The following SFMBT2 variants were observed in gnomAD, a reference collection of about 807,000 sequenced individuals.
SFMBT2 encodes Scm like with four mbt domains 2.
Under a neutral mutation model 110.1 loss-of-function variants are expected in SFMBT2, and 38 were observed. The ratio of observed to expected loss-of-function variants is 0.35; its 90% CI spans 0.27 to 0.45. SFMBT2 has a LOEUF of 0.45. SFMBT2 is among the 20% of genes least tolerant of loss of function. SFMBT2 has a pLI of 1.00. For synonymous variants in SFMBT2, 425 were observed against 425.4 expected (o/e 1.00, Z 0.01); for missense variants, 1,011 against 1,094.9 (o/e 0.92, Z 1.08).
intron 16 of SFMBT2, among the ~76,000 whole-genome samples, chr10:7,184,543 G>A (rs1273020352): frequency 2.0e-5 from 3 of 151,896 alleles, no homozygotes; most frequent in Non-Finnish European, 4.4e-5. Flanking sequence ...CATGAAAATG[G>A]ACTAATACGG....
intron 5 of SFMBT2, chr10:7,285,627 G>T (rs1842062707): frequency 6.5e-6 from 3 of 464,642 alleles, no homozygotes; most frequent in African/African-American, 3.9e-5. Flanking sequence ...TTTAAAAATT[G>T]GATTCACATA....
At chr10:7,320,022 CA>C (rs1843134913) in intron 4 of SFMBT2, among the ~76,000 whole-genome samples, 1 of 145,122 alleles carries the variant, frequency 6.9e-6, no homozygotes, top group South Asian at 2.2e-4. Flanking sequence ...AGGAGAGAGA[CA>C]GAAAGAGAAA....
chr10:7,324,999 G>A (rs1035033065), intron 4 of SFMBT2, among the ~76,000 whole-genome samples: 2 of 122,410 alleles, frequency 1.6e-5, no homozygotes, highest in Non-Finnish European at 1.6e-5. Context: ...ACGGAGTCTC[G>A]CTCTGTTGCC....
At chr10:7,200,621 G>T in intron 13 of SFMBT2, 137 bp from the exon 14 acceptor site, 2 of 603,674 alleles carry the variant, frequency 3.3e-6, no homozygotes, top group South Asian at 3.1e-5. Context: ...ATGTGTGTAT[G>T]GGAGCAATGC....
At chr10:7,316,903 C>T (rs551859319) in intron 4 of SFMBT2, among the ~76,000 whole-genome samples, 1 of 151,510 alleles carries the variant, frequency 6.6e-6, no homozygotes, top group Non-Finnish European at 1.5e-5. Context: ...CACACACATG[C>T]AAACCACACA....
chr10:7,170,942 T>C lies in SFMBT2; in HGVS notation c.2530A>G (p.Ile844Val), dbSNP rs1837856473. Residue 844 changes from isoleucine (I) to valine (V), a missense_variant, in exon 20 of 21, where the codon ATA (isoleucine) becomes GTA (valine). Physicochemically the swap from Ile to Val is conservative, Grantham distance 29. Transcript: ENST00000397167. This position sits in a 1 kb window ranked among gnomAD's most constrained non-coding sequence, Gnocchi z 4.6. Reference protein sequence around the residue: ...KLTDCAPLAKIFQEQDIDGQA... With the variant: ...KLTDCAPLAKVFQEQDIDGQA... ...AACCACCGTACCTGCTCCTGAAATA[T>C]CTTGGCCAAGGGGGCACAGTCTGTC... 6.2e-7 allele frequency: 1 copy of C among 1,613,976 alleles called. No homozygotes were observed. The highest frequency in any genetic ancestry group is 1.7e-5 in the Admixed American group (1 of 60,006).
intron 7 of SFMBT2, among the ~76,000 whole-genome samples, chr10:7,266,556 G>C (rs998085333): frequency 6.6e-6 from 1 of 152,208 alleles, no homozygotes. Flanking sequence ...CGGCAGGTAC[G>C]TGAAGCCTCC....
At position 7,166,002 on chromosome 10, in the gene SFMBT2, G is replaced by GGT. The variant is rs560947136; in HGVS notation, c.2545-2094_2545-2093dup. ...CATCAAATTACACCAAGAGGGCATG[G>GGT]GTGTAGGGACTCAAAGTCTTCCAGG... On this transcript the variant is annotated intron_variant, in intron 20 of 20. Transcript: ENST00000397167. 2.2e-4 allele frequency among the ~76,000 whole-genome samples: 34 copies of GGT among 152,282 alleles called. No individual in the cohort carries two copies. The East Asian group carries it at 6.4e-3, about 29-fold the overall frequency.
chr10:7,298,742 T>TATATGTGTGTGTGC (rs1266147230), intron 4 of SFMBT2, among the ~76,000 whole-genome samples: 3 of 152,274 alleles, frequency 2.0e-5, no homozygotes, highest in East Asian at 3.9e-4. Flanking sequence ...TATGTATGTG[T>TATATGTGTGTGTGC]ATATGTGTGT....
At chr10:7,250,360 T>A (rs931033800) in intron 7 of SFMBT2, among the ~76,000 whole-genome samples, 7 of 152,208 alleles carry the variant, frequency 4.6e-5, no homozygotes, top group African/African-American at 1.4e-4. Context: ...TGATCCTGCA[T>A]TAGTTTGCTA....
intron 16 of SFMBT2, among the ~76,000 whole-genome samples, chr10:7,184,241 CA>C (rs1422486302): frequency 2.6e-5 from 4 of 152,302 alleles, no homozygotes; most frequent in Admixed American, 2.6e-4. Context: ...TTGTAGCTCC[CA>C]TAATTCTCAA....
At chr10:7,216,331 C>A (rs76512424) in intron 11 of SFMBT2, among the ~76,000 whole-genome samples, 3 of 152,142 alleles carry the variant, frequency 2.0e-5, no homozygotes, top group African/African-American at 7.2e-5. Flanking sequence ...GGGGGCAGCT[C>A]CCCCATACTG....
intron 4 of SFMBT2, among the ~76,000 whole-genome samples, chr10:7,356,164 G>C (rs908696349): frequency 6.6e-6 from 1 of 152,162 alleles, no homozygotes; most frequent in African/African-American, 2.4e-5. Context: ...AGGCATCTCC[G>C]TACTCTTGAA....
intron 4 of SFMBT2, among the ~76,000 whole-genome samples, chr10:7,366,374 AG>A (rs1389224485): frequency 1.3e-5 from 2 of 151,678 alleles, no homozygotes; most frequent in East Asian, 1.9e-4. Flanking sequence ...CACCTAACAA[AG>A]GGTAATTAAA....
chr10:7,197,784 G>T lies in SFMBT2; in HGVS notation c.1559-97C>A, dbSNP rs1012018905. 6.0e-6 allele frequency: 9 copies of T among 1,492,956 alleles called. No individual in the cohort carries two copies. The African/African-American group carries it at 1.3e-4, about 21-fold the overall frequency. The allele number at this position is 1,492,956 out of a possible 1,614,324, so 92.5% of individuals were successfully genotyped here. ...CTTCATCCACATGGTCAGGGAAAAG[G>T]ACCACACAGAGCTGTCCGAGGTCTT... On this transcript the variant is annotated intron_variant, in intron 14 of 20. Transcript: ENST00000397167.
intron 8 of SFMBT2, 71 bp from the exon 9 acceptor site, chr10:7,243,776 T>C (rs117096375): frequency 0.014 from 10,653 of 748,508 alleles, 119 homozygotes; most frequent in Middle Eastern, 0.02. Flanking sequence ...TATAAAATAG[T>C]GGCAGAGCTT....
chr10:7,273,776 TC>T (rs1243158069), intron 7 of SFMBT2, among the ~76,000 whole-genome samples: 8 of 152,212 alleles, frequency 5.3e-5, no homozygotes, highest in African/African-American at 1.9e-4. Context: ...TTCATCCATG[TC>T]CCAATGTGCT....
rs1005279254 is a variant in SFMBT2, at chr10:7,336,953, C to T, written c.436+30696G>A. On this transcript the variant is annotated intron_variant, in intron 4 of 20. Coordinates refer to ENST00000397167, the MANE Select transcript of SFMBT2 (RefSeq NM_001387889.1). ...CAGAGAACCAAGCCAGGCAACGTACCATTAGACCCAACTATTTACAGTATC... is the reference window on the plus strand; with the variant it reads ...CAGAGAACCAAGCCAGGCAACGTACTATTAGACCCAACTATTTACAGTATC... Among the ~76,000 whole-genome samples, 3 of 152,158 alleles carry T rather than the reference C, an allele frequency of 2.0e-5. No individual in the cohort carries two copies. The East Asian group carries it at 5.8e-4, about 29-fold the overall frequency.
intron 10 of SFMBT2, among the ~76,000 whole-genome samples, chr10:7,226,656 A>G (rs1178855545): frequency 6.6e-6 from 1 of 152,278 alleles, no homozygotes; most frequent in Non-Finnish European, 1.5e-5. Context: ...TAATTCTTAA[A>G]ACAGAGATAA....
Sources: allele counts gnomAD v4.1 joint callset (sites outside exome capture counted in the v4.1 genomes callset), GRCh38; gene constraint gnomAD v4.1.1; non-coding constraint Gnocchi (gnomAD v3.1); transcripts MANE v1.5; gene names NCBI Gene and HGNC (gene_info 2026-07-23, HGNC 2026-07-21).